Variants in VEZF1 observed in about 807,000 individuals in gnomAD.
VEZF1 encodes the protein putative transcription factor DB1.
A neutral mutation model predicts 44.1 loss-of-function variants in VEZF1; 5 were observed. The ratio of observed to expected loss-of-function variants is 0.11; its 90% CI spans 0.06 to 0.24. VEZF1 has a LOEUF of 0.24. VEZF1 is among the 10% of genes least tolerant of loss of function. VEZF1 has a pLI of 1.00. For missense variants in VEZF1, 358 were observed against 641.8 expected, an observed-to-expected ratio of 0.56 and a Z score of 4.78; for synonymous variants, 236 against 233.1, an observed-to-expected ratio of 1.01 and a Z score of -0.11.
chr17:57,975,441 A>C (rs1330396514), intron 5 of VEZF1, among the ~76,000 whole-genome samples: 2 of 152,296 alleles, frequency 1.3e-5, no homozygotes, highest in African/African-American at 2.4e-5. Context: ...TTAAAGCCTG[A>C]GACATGAAGC....
At chr17:57,987,350 G>C (rs535411976) in intron 1 of VEZF1, among the ~76,000 whole-genome samples, 8 of 152,062 alleles carry the variant, frequency 5.3e-5, no homozygotes, top group Non-Finnish European at 1.0e-4. Flanking sequence ...CTGGACAGAG[G>C]GAGAAGGTGT....
chr17:57,985,162 G>C, intron 1 of VEZF1: 1 of 785,068 alleles, frequency 1.3e-6, no homozygotes. Flanking sequence ...AGGGAATGCA[G>C]ATCTTCTGGA....
At chr17:57,979,128 T>G in intron 5 of VEZF1, 24 bp downstream of exon 5, 1 of 1,608,076 alleles carries the variant, frequency 6.2e-7, no homozygotes, top group East Asian at 2.2e-5. Flanking sequence ...AGCCATATTT[T>G]CAACACTGGA....
chr17:57,976,084 G>A (rs531079115), intron 5 of VEZF1, among the ~76,000 whole-genome samples: 1 of 152,112 alleles, frequency 6.6e-6, no homozygotes, highest in South Asian at 2.1e-4. Context: ...TGTGAGCCAG[G>A]TCTAGACACT....
At chr17:57,981,219 C>T (rs2075246970) in intron 3 of VEZF1, among the ~76,000 whole-genome samples, 1 of 152,190 alleles carries the variant, frequency 6.6e-6, no homozygotes, top group Admixed American at 6.5e-5. Context: ...CTTCCTTCCT[C>T]CAATTAGATC....
intron 4 of VEZF1, 121 bp from the exon 5 acceptor site, chr17:57,979,434 T>C: frequency 2.8e-6 from 4 of 1,447,916 alleles, no homozygotes; most frequent in Non-Finnish European, 3.7e-6. Context: ...TCTTAGTAAG[T>C]GCATCTTTTT....
rs530364793 is a variant in VEZF1, at chr17:57,986,866, G to A, written c.33+1213C>T. On this transcript the variant is annotated intron_variant, in intron 1 of 5. Coordinates refer to ENST00000581208, the MANE Select transcript of VEZF1 (RefSeq NM_007146.3). ...TTTGGGATTTCACGAAGTATTCAAA[G>A]GAAAATAACTCAGAGAGGCGGGAAG... Among the ~76,000 whole-genome samples, 357 of 152,288 alleles carry A rather than the reference G, an allele frequency of 2.3e-3. 3 individuals are homozygous for A. Among genetic ancestry groups the A allele is most frequent in the Non-Finnish European group, 2.5e-3 (168 of 68,022 alleles).
intron 1 of VEZF1, among the ~76,000 whole-genome samples, chr17:57,984,082 T>C (rs2075274573): frequency 6.6e-6 from 1 of 152,256 alleles, no homozygotes; most frequent in South Asian, 2.1e-4. Context: ...CATTTAATTG[T>C]ATACTGAAGT....
intron 4 of VEZF1, among the ~76,000 whole-genome samples, chr17:57,980,311 C>T (rs1181548273): frequency 6.6e-6 from 1 of 152,178 alleles, no homozygotes; most frequent in East Asian, 1.9e-4. Flanking sequence ...AGCATTTAAA[C>T]CTTCAAGTGG....
chr17:57,974,956 A>C, intron 5 of VEZF1, 56 bp from the exon 6 acceptor site: 1 of 1,522,714 alleles, frequency 6.6e-7, no homozygotes, highest in Non-Finnish European at 8.9e-7. Context: ...CAAAATTCAC[A>C]AAGTTTCTGA....
rs181012123 is a variant in VEZF1 at position 57,975,008 on chromosome 17, C to A, written c.1139-108G>T. ...TAAAAATGTCAAACATTTAATAAAT[C>A]AAATTCCAGTTTTCTATCAAGCGGT... On this transcript the variant is annotated intron_variant, in intron 5 of 5. Coordinates refer to ENST00000581208, the MANE Select transcript of VEZF1 (RefSeq NM_007146.3). 423 of 1,269,070 alleles carry A rather than the reference C, an allele frequency of 3.3e-4. 1 individual carries two copies. The East Asian group carries it at 9.6e-3, about 29-fold the overall frequency. The allele number at this position is 1,269,070 out of a possible 1,614,324, so 78.6% of individuals were successfully genotyped here.
chr17:57,987,003 G>A (rs1482968220), intron 1 of VEZF1, among the ~76,000 whole-genome samples: 2 of 152,078 alleles, frequency 1.3e-5, no homozygotes, highest in East Asian at 1.9e-4. Context: ...AACGAAGTAG[G>A]AAAAAAATAA....
chr17:57,979,325 A>G lies in VEZF1; in HGVS notation c.977-12T>C, dbSNP rs780462540. On this transcript the variant is annotated splice_polypyrimidine_tract_variant and intron_variant, in intron 4 of 5. Coordinates refer to ENST00000581208, the MANE Select transcript of VEZF1 (RefSeq NM_007146.3). Reference sequence around the variant, plus strand: ...TTCACTCATGCATGCTATTACAAAGACAAACCAAAAACACTGTATCTACCT... The same window carrying G: ...TTCACTCATGCATGCTATTACAAAGGCAAACCAAAAACACTGTATCTACCT... 68 of 1,613,272 alleles carry G rather than the reference A, an allele frequency of 4.2e-5. No individual in the cohort carries two copies. Among genetic ancestry groups the G allele is most frequent in the South Asian group, 2.5e-4 (23 of 91,044 alleles).
intron 2 of VEZF1, among the ~76,000 whole-genome samples, 157 bp from the exon 3 acceptor site, chr17:57,982,093 T>C (rs2075254303): frequency 1.3e-5 from 2 of 152,244 alleles, no homozygotes; most frequent in Admixed American, 1.3e-4. Flanking sequence ...TCTCCTTCCC[T>C]CTCTTACCAT....
At position 57,981,855 on chromosome 17, in the gene VEZF1, A is replaced by T. The variant is rs1483401828; in HGVS notation, c.792+18T>A. 6.2e-7 allele frequency: 1 copy of T among 1,610,934 alleles called. No homozygotes were observed. The highest frequency in any genetic ancestry group is 2.2e-5 in the East Asian group (1 of 44,876). ...TGCATTAAGTGCTACACTAAGGATA[A>T]GTCATTTTAACTCTTACTTGGCATT... On this transcript the variant is annotated intron_variant, in intron 3 of 5. Coordinates refer to ENST00000581208, the MANE Select transcript of VEZF1 (RefSeq NM_007146.3).
At position 57,979,199 on chromosome 17, in the gene VEZF1, A is replaced by G. The variant is rs1405057028; in HGVS notation, c.1091T>C (p.Val364Ala). ...TTCTTCCCACAGTCTCAGTGTTTCT[A>G]CTTGCTTCCCTGGCCAGCTTGTCAC... ...QHVTSWPGKQ[V>A]ETLRLWEEAV... is the part of the protein sequence containing the mutation. Residue 364 changes from valine (V) to alanine (A), a missense_variant, in exon 5 of 6, where the codon GTA becomes GCA. Val to Ala is a moderately conservative substitution (Grantham distance 64, BLOSUM62 0). Coordinates refer to ENST00000581208, the MANE Select transcript of VEZF1 (RefSeq NM_007146.3). 26 of 1,613,470 alleles carry G rather than the reference A, an allele frequency of 1.6e-5. No homozygotes were observed. The highest frequency in any genetic ancestry group is 2.2e-5 in the Non-Finnish European group (26 of 1,179,956).
intron 5 of VEZF1, 127 bp downstream of exon 5, chr17:57,979,024 AT>A: frequency 8.1e-7 from 1 of 1,235,096 alleles, no homozygotes; most frequent in South Asian, 1.5e-5. Context: ...ATTTCCCAGC[AT>A]GCACTATTTC....
At chr17:57,986,392 A>G (rs2075293959) in intron 1 of VEZF1, among the ~76,000 whole-genome samples, 3 of 152,080 alleles carry the variant, frequency 2.0e-5, no homozygotes, top group Admixed American at 1.3e-4. Flanking sequence ...CATCAATCCC[A>G]TATTTTAAAA....
At chr17:57,979,554 C>CAA (rs79059045) in intron 4 of VEZF1, among the ~76,000 whole-genome samples, 2 of 115,014 alleles carry the variant, frequency 1.7e-5, no homozygotes, top group Admixed American at 8.8e-5. Context: ...AAAAAACCAT[C>CAA]AAAAAAAAAA....
Sources: gnomAD v4.1 joint callset for allele counts (sites outside exome capture counted in the v4.1 genomes callset) on GRCh38, gnomAD v4.1.1 for gene constraint, MANE v1.5 for transcripts, NCBI Gene and HGNC (gene_info 2026-07-23, HGNC 2026-07-21) for gene names.